ADCY7: variants seen among roughly 807,000 people sequenced by gnomAD.
The protein encoded by ADCY7 is adenylate cyclase 7.
A neutral mutation model predicts 120.6 loss-of-function variants in ADCY7; 72 were observed. The ratio of observed to expected loss-of-function variants is 0.60; its 90% confidence interval spans 0.49 to 0.73. ADCY7 has a LOEUF of 0.73. Ranked by LOEUF, ADCY7 falls within the 30% of genes least tolerant of loss-of-function variation. ADCY7 has a pLI of 0.00. For synonymous variants in ADCY7, 661 were observed against 628.0 expected, an observed-to-expected ratio of 1.05 and a Z score of -0.78; for missense variants, 1,227 against 1,486.0, an observed-to-expected ratio of 0.83 and a Z score of 2.87.
rs1401458277 is a variant in ADCY7, at chr16:50,315,416, G to A, written c.3154G>A (p.Gly1052Ser). The A allele has an allele frequency of 3.1e-6, 5 of 1,614,036 alleles. No individual in the cohort carries two copies. The highest frequency in any genetic ancestry group is 2.7e-5 in the African/African-American group (2 of 74,922). ...CCTCGGGTACTCTTGTGAATGCCGT[G>A]GCCTGATCAACGTCAAAGGCAAAGG... Reference protein sequence around the residue: ...QGLGYSCECRGLINVKGKGEL... With the variant: ...QGLGYSCECRSLINVKGKGEL... Residue 1052 changes from glycine to serine, a missense_variant, in exon 26 of 26, where the codon GGC becomes AGC. Around this residue, in one of 5 missense-constraint regions of ADCY7, gnomAD observed 244 missense variants for 332.8 expected, o/e 0.73. Transcript: ENST00000673801.
intron 1 of ADCY7, among the ~76,000 whole-genome samples, chr16:50,281,042 C>T (rs1021537982): frequency 1.3e-5 from 2 of 152,054 alleles, no homozygotes; most frequent in African/African-American, 2.4e-5. Context: ...TGCCCCTGCT[C>T]GGCAACTTTG....
At chr16:50,306,853 A>T (rs2302680) in intron 14 of ADCY7, among the ~76,000 whole-genome samples, 197 bp from the exon 15 acceptor site, 127,427 of 152,146 alleles carry the variant, frequency 0.84, 53,953 homozygotes, top group Middle Eastern at 0.95. Flanking sequence ...AGAGATGGGG[A>T]CTCACTATGT....
intron 4 of ADCY7, among the ~76,000 whole-genome samples, chr16:50,292,194 A>G (rs937686918): frequency 1.3e-5 from 2 of 152,184 alleles, no homozygotes; most frequent in East Asian, 3.9e-4. Context: ...CCCATTGCCG[A>G]AGTTTCCCCT....
At chr16:50,260,711 C>G (rs1307863894) in intron 1 of ADCY7, among the ~76,000 whole-genome samples, 2 of 152,192 alleles carry the variant, frequency 1.3e-5, no homozygotes, top group Non-Finnish European at 2.9e-5. Flanking sequence ...TCCAAGGCAG[C>G]TTTGTCACAT....
Position 50,315,583 on chromosome 16 carries a change from C to A in ADCY7, c.*78C>A. ...CAAGCCCAGGAGAAGACTCTCCGCC[C>A]CACGCCAATCCCAAAGGCATGCAGA... On this transcript the variant is annotated 3_prime_UTR_variant, in exon 26 of 26. Transcript: ENST00000673801. 6.5e-7 allele frequency: 1 copy of A among 1,540,614 alleles called. No individual in the cohort carries two copies. Among genetic ancestry groups the A allele is most frequent in the Non-Finnish European group, 8.8e-7 (1 of 1,130,830 alleles).
chr16:50,307,191 CA>C, intron 15 of ADCY7, 44 bp downstream of exon 15: 1 of 1,574,796 alleles, frequency 6.4e-7, no homozygotes, highest in Non-Finnish European at 8.7e-7. Flanking sequence ...TGCTGGGATC[CA>C]GGCTGGAAGG....
intron 1 of ADCY7, among the ~76,000 whole-genome samples, chr16:50,267,162 A>G (rs1240295325): frequency 6.6e-6 from 1 of 152,250 alleles, no homozygotes; most frequent in Non-Finnish European, 1.5e-5. Flanking sequence ...GAGGGTCAGG[A>G]AACCAAGATG....
chr16:50,272,296 G>A (rs1025046383), intron 1 of ADCY7, among the ~76,000 whole-genome samples: 4 of 151,768 alleles, frequency 2.6e-5, no homozygotes, highest in African/African-American at 4.8e-5. Context: ...CACCCTGATC[G>A]GGGTGCTTTG....
chr16:50,302,920 G>A (rs1428066612), intron 10 of ADCY7, among the ~76,000 whole-genome samples: 2 of 152,230 alleles, frequency 1.3e-5, no homozygotes, highest in Admixed American at 6.5e-5. Context: ...TCTGCCTTAC[G>A]CCATTGCTGT....
intron 1 of ADCY7, among the ~76,000 whole-genome samples, chr16:50,251,051 A>G (rs1298227042): frequency 6.6e-6 from 1 of 152,064 alleles, no homozygotes; most frequent in Non-Finnish European, 1.5e-5. Flanking sequence ...CTTGAGCAAC[A>G]TAGCAAGATT....
intron 18 of ADCY7, 81 bp downstream of exon 18, chr16:50,309,727 C>T: frequency 7.9e-7 from 1 of 1,264,668 alleles, no homozygotes; most frequent in South Asian, 1.3e-5. Flanking sequence ...ACCCTCAAAG[C>T]ATGGGTGCTG....
At chr16:50,296,012 TAAATA>T (rs1175669351) in intron 7 of ADCY7, among the ~76,000 whole-genome samples, 1 of 152,204 alleles carries the variant, frequency 6.6e-6, no homozygotes, top group African/African-American at 2.4e-5. Flanking sequence ...ATGGAAAGCT[TAAATA>T]AAACACCAGT....
chr16:50,293,639 C>T, intron 6 of ADCY7, 137 bp downstream of exon 6: 3 of 1,116,684 alleles, frequency 2.7e-6, no homozygotes, highest in Middle Eastern at 3.0e-4. Flanking sequence ...CCCATGGTTC[C>T]AGGTCAATCT....
chr16:50,269,320 A>C (rs1056912674), intron 1 of ADCY7, among the ~76,000 whole-genome samples: 1 of 152,176 alleles, frequency 6.6e-6, no homozygotes, highest in Non-Finnish European at 1.5e-5. Flanking sequence ...GGGCCAGCAC[A>C]CTGTGTCTTT....
chr16:50,267,149 C>T (rs1426141933), intron 1 of ADCY7, among the ~76,000 whole-genome samples: 1 of 152,232 alleles, frequency 6.6e-6, no homozygotes, highest in African/African-American at 2.4e-5. Flanking sequence ...GGAGTGCATG[C>T]CTGAGGGTCA....
chr16:50,248,272 T>G (rs569366538), intron 1 of ADCY7, among the ~76,000 whole-genome samples: 1 of 152,162 alleles, frequency 6.6e-6, no homozygotes, highest in South Asian at 2.1e-4. Flanking sequence ...AGAAGAGCCC[T>G]GGGGCTTTGC....
chr16:50,314,763 A>G, intron 24 of ADCY7: 1 of 484,094 alleles, frequency 2.1e-6, no homozygotes, highest in Non-Finnish European at 3.7e-6. Context: ...CTTTGTTAAA[A>G]GAGAGATTAG....
rs190079984 is a variant in ADCY7 at position 50,313,024 on chromosome 16, C to T, written c.2739C>T (p.Ala913=). 1.9e-5 allele frequency: 31 copies of T among 1,614,138 alleles called. No individual in the cohort carries two copies. Among genetic ancestry groups the T allele is most frequent in the East Asian group, 1.3e-4 (6 of 44,886 alleles). Residue 913 remains alanine, a synonymous_variant, in exon 22 of 26, where the codon GCC becomes GCT. Coordinates refer to ENST00000673801, the MANE Select transcript of ADCY7 (RefSeq NM_001114.5). ...TACGCCTGCTCAATGAGATCATTGC[C>T]GACTTCGACGAGGTACAGCCTCTAG... The part of the protein sequence containing the change: ...ECLRLLNEII[A]DFDELLLKPK...
At chr16:50,246,921 A>G (rs1354427345) in intron 1 of ADCY7, among the ~76,000 whole-genome samples, 3 of 152,236 alleles carry the variant, frequency 2.0e-5, no homozygotes, top group Non-Finnish European at 4.4e-5. Flanking sequence ...TCTGAGTCCC[A>G]GAGCTGAAGC....
Sources: gnomAD v4.1 joint callset for allele counts (sites outside exome capture counted in the v4.1 genomes callset) on GRCh38, gnomAD v4.1.1 for gene constraint, gnomAD v4.1.1 regional missense constraint, MANE v1.5 for transcripts, NCBI Gene and HGNC (gene_info 2026-07-23, HGNC 2026-07-21) for gene names.